Variants in FARP1 observed in about 807,000 individuals in gnomAD.
FARP1 encodes FERM, ARH/RhoGEF and pleckstrin domain protein 1, also known as FERM, ARHGEF and pleckstrin domain-containing protein 1.
A neutral mutation model predicts 128.8 loss-of-function variants in FARP1; 52 were observed. The ratio of observed to expected loss-of-function variants is 0.40; its 90% CI spans 0.32 to 0.51. The LOEUF (loss-of-function observed/expected upper bound fraction) is 0.51. Ranked by LOEUF, FARP1 falls within the 20% of genes least tolerant of loss-of-function variation. The probability of loss-of-function intolerance (pLI) is 0.45; values close to 1 mark genes in which losing one functional copy is unlikely to be tolerated. For missense variants in FARP1, 1,333 were observed against 1,367.9 expected (o/e 0.97, Z 0.40); for synonymous variants, 580 against 551.8 (o/e 1.05, Z -0.72).
chr13:98,375,730 G>A (rs1267601616), intron 5 of FARP1, among the ~76,000 whole-genome samples: 4 of 152,164 alleles, frequency 2.6e-5, no homozygotes, highest in Non-Finnish European at 5.9e-5. Context: ...CCGGATTCAA[G>A]TGATTCTTCT....
intron 16 of FARP1, among the ~76,000 whole-genome samples, chr13:98,424,254 A>G (rs1034393485): frequency 6.6e-6 from 1 of 152,236 alleles, no homozygotes; most frequent in African/African-American, 2.4e-5. Context: ...AAATCACCCA[A>G]GTGTGGATGG....
chr13:98,156,073 C>T (rs1876477678), intron 1 of FARP1, among the ~76,000 whole-genome samples: 1 of 152,154 alleles, frequency 6.6e-6, no homozygotes, highest in South Asian at 2.1e-4. Context: ...CGTTTCCTCC[C>T]ATATTTTAAA....
In FARP1 at chr13:98,393,703, G is replaced by C. The variant is rs371310874; in HGVS notation, c.1149G>C (p.Ser383=). Residue 383 remains serine (S), a synonymous_variant, in exon 12 of 27, where the codon TCG becomes TCC. Coordinates refer to ENST00000319562, the MANE Select transcript of FARP1 (RefSeq NM_005766.4). ...SLASQPTELN[S]EVLEQSQQST... ...CTTCACAGCCTACAGAACTGAATTC[G>C]GAAGTGCTGGAGCAGGTCAGTGATG... 5 of 1,613,608 alleles carry C rather than the reference G, an allele frequency of 3.1e-6. No individual in the cohort carries two copies. The highest frequency in any genetic ancestry group is 4.2e-6 in the Non-Finnish European group (5 of 1,179,586).
chr13:98,342,906 C>T (rs756879156), intron 2 of FARP1, among the ~76,000 whole-genome samples: 8 of 151,928 alleles, frequency 5.3e-5, no homozygotes. Context: ...TGCCTGTAAT[C>T]CCAGCTACTC....
At chr13:98,313,621 C>T (rs1390491114) in intron 2 of FARP1, among the ~76,000 whole-genome samples, 1 of 152,248 alleles carries the variant, frequency 6.6e-6, no homozygotes, top group Non-Finnish European at 1.5e-5. Flanking sequence ...AGCCAGCTAC[C>T]TAAGGCTGCT....
At chr13:98,200,071 A>G (rs543221895) in intron 1 of FARP1, among the ~76,000 whole-genome samples, 10 of 152,322 alleles carry the variant, frequency 6.6e-5, no homozygotes, top group African/African-American at 2.4e-4. Flanking sequence ...GAAAGTGCAA[A>G]GCCAAAGTAT....
At chr13:98,446,991 A>C in intron 26 of FARP1, 174 bp downstream of exon 26, 1 of 655,352 alleles carries the variant, frequency 1.5e-6, no homozygotes, top group Non-Finnish European at 2.6e-6. Context: ...CTCATGGCAG[A>C]AAGTGGGGTC....
rs1893149867 is a variant in FARP1, at chr13:98,450,754, G to A, written c.*2437G>A. ...CCAGCAGCAGTTGACGCTGAGGCAG[G>A]TTCCAGTGGTAGCCCTGGTGCCTGG... On this transcript the variant is annotated 3_prime_UTR_variant, in exon 27 of 27. Coordinates refer to ENST00000319562, the MANE Select transcript of FARP1 (RefSeq NM_005766.4). The A allele has an allele frequency of 6.6e-6, 1 of 152,296 alleles. No individual in the cohort carries two copies. Among genetic ancestry groups the A allele is most frequent in the African/African-American group, 2.4e-5 (1 of 41,464 alleles). The allele number at this position is 152,296 out of a possible 1,614,324, so 9.4% of individuals were successfully genotyped here.
In FARP1 at chr13:98,417,456, A is replaced by T. The variant is rs9517284; in HGVS notation, c.1826+5422A>T. The stretch of plus-strand genomic sequence containing the variant: ...GGAAACAGAGGCCACCAGAGGTTTG[A>T]AAAAAAAAAAAAAAAAAAAAAAAAA... On this transcript the variant is annotated intron_variant, in intron 16 of 26. Coordinates refer to ENST00000319562, the MANE Select transcript of FARP1 (RefSeq NM_005766.4). Among the ~76,000 whole-genome samples the T allele has an allele frequency of 1.6e-4, 6 of 36,914 alleles. No homozygotes were observed. The East Asian group carries it at 2.8e-3, about 17-fold the overall frequency. 24.2% of individuals were successfully genotyped at this position (36,914 alleles called of 152,430 possible). A position where few individuals can be genotyped will look rare whatever the true frequency, so the allele number is the denominator to read the frequency against.
In FARP1 at chr13:98,274,848, G is replaced by A. The variant is rs139840466; in HGVS notation, c.171+61435G>A. 5.0e-4 allele frequency among the ~76,000 whole-genome samples: 76 copies of A among 152,296 alleles called. No individual in the cohort carries two copies. The East Asian group carries it at 0.01, about 20-fold the overall frequency. ...AGTAAGTGAAAACCTCCTTTAATATGTTAGGGTTTTATCTGGACATCAGGT... is the reference window on the plus strand; with the variant it reads ...AGTAAGTGAAAACCTCCTTTAATATATTAGGGTTTTATCTGGACATCAGGT... On this transcript the variant is annotated intron_variant, in intron 2 of 26. Coordinates refer to ENST00000319562, the MANE Select transcript of FARP1 (RefSeq NM_005766.4).
chr13:98,385,676 A>G lies in FARP1; in HGVS notation c.621A>G (p.Thr207=), dbSNP rs1362443384. The change falls in exon 8 of 27, where the codon ACA becomes ACG. Residue 207 remains threonine, a synonymous_variant. Transcript: ENST00000319562. ...ATTTTTGTTTTGTCAGTGGACAAAC[A>G]CCAGCAGAATCAGATTTCCAGCTCC... ...VEFHHNHIGQ[T]PAESDFQLLE... is the part of the protein sequence containing the mutation. The G allele has an allele frequency of 1.2e-6, 2 of 1,614,120 alleles. No individual in the cohort carries two copies. Among genetic ancestry groups the G allele is most frequent in the Admixed American group, 1.7e-5 (1 of 60,008 alleles).
Position 98,420,108 on chromosome 13 carries a change from A to C in FARP1, c.1827-4464A>C, listed in dbSNP as rs1378260813. On this transcript the variant is annotated intron_variant, in intron 16 of 26. Transcript: ENST00000319562. ...CTTTAGAGGACAGTTGGGAGATTTT[A>C]TTGCCACCAAGGTCACCAGCACACT... is the stretch of plus-strand genomic sequence containing the variant. Among the ~76,000 whole-genome samples, 5 of 152,080 alleles carry C rather than the reference A, an allele frequency of 3.3e-5. No homozygotes were observed. In the South Asian group the frequency reaches 1.0e-3, roughly 32 times the overall value.
intron 2 of FARP1, chr13:98,340,990 A>G (rs1049616511): frequency 6.6e-6 from 1 of 152,194 alleles, no homozygotes; most frequent in African/African-American, 2.4e-5. Flanking sequence ...CCACGCAGTC[A>G]CATGTGACTC....
intron 2 of FARP1, among the ~76,000 whole-genome samples, chr13:98,267,485 C>CA (rs1884176898): frequency 2.0e-5 from 3 of 152,192 alleles, no homozygotes; most frequent in Admixed American, 2.0e-4. Flanking sequence ...CAGACGCTCC[C>CA]ACCCCCCCAT....
chr13:98,311,737 G>A (rs1886467948), intron 2 of FARP1, among the ~76,000 whole-genome samples: 4 of 152,102 alleles, frequency 2.6e-5, no homozygotes, highest in South Asian at 4.1e-4. Flanking sequence ...GAGAGAACTC[G>A]TACTTTCAAA....
At chr13:98,417,495 G>C (rs1280300349) in intron 16 of FARP1, among the ~76,000 whole-genome samples, 13 of 145,974 alleles carry the variant, frequency 8.9e-5, no homozygotes, top group African/African-American at 3.2e-4. Flanking sequence ...GAACACATGG[G>C]GGTGGAGGGT....
intron 2 of FARP1, among the ~76,000 whole-genome samples, chr13:98,289,073 T>A (rs1885331500): frequency 6.6e-6 from 1 of 152,002 alleles, no homozygotes; most frequent in East Asian, 1.9e-4. Context: ...ATATTCAATG[T>A]CAGCTGTCAG....
chr13:98,214,654 A>T (rs1412379267), intron 2 of FARP1, among the ~76,000 whole-genome samples: 2 of 152,230 alleles, frequency 1.3e-5, no homozygotes, highest in Non-Finnish European at 2.9e-5. Context: ...TCAGGAAAAG[A>T]TAAACTCAGA....
chr13:98,303,302 A>G (rs1035482603), intron 2 of FARP1, among the ~76,000 whole-genome samples: 23 of 152,198 alleles, frequency 1.5e-4, no homozygotes, highest in African/African-American at 4.1e-4. Context: ...ATGTTTCAGA[A>G]CTGGATTGTG....
Sources: gnomAD v4.1 joint callset for allele counts (sites outside exome capture counted in the v4.1 genomes callset) on GRCh38, gnomAD v4.1.1 for gene constraint, MANE v1.5 for transcripts, NCBI Gene and HGNC (gene_info 2026-07-23, HGNC 2026-07-21) for gene names.